Variants in TMEM132C observed in about 807,000 individuals in gnomAD.
TMEM132C encodes the protein protein phosphatase 1, regulatory subunit 152.
TMEM132C carries 29 observed loss-of-function variants against 61.4 expected under a neutral mutation model. The observed-to-expected ratio is 0.47, with a 90% confidence interval of 0.35 to 0.64. The LOEUF (loss-of-function observed/expected upper bound fraction) is 0.64. Ranked by LOEUF, TMEM132C falls within the 30% of genes least tolerant of loss-of-function variation. TMEM132C has a pLI of 0.00. For missense variants in TMEM132C, 1,408 were observed against 1,476.9 expected (o/e 0.95, Z 0.76); for synonymous variants, 656 against 633.1 (o/e 1.04, Z -0.54).
chr12:128,442,973 C>T (rs1044789041), intron 2 of TMEM132C, among the ~76,000 whole-genome samples: 2 of 152,052 alleles, frequency 1.3e-5, no homozygotes, highest in African/African-American at 4.8e-5. Flanking sequence ...AACTGCCTTG[C>T]GTATGATTAG....
intron 4 of TMEM132C, among the ~76,000 whole-genome samples, chr12:128,665,672 G>A (rs1326221865): frequency 8.8e-6 from 1 of 113,226 alleles, no homozygotes; most frequent in African/African-American, 3.6e-5. Context: ...TAAACACACA[G>A]GCATACACAC....
chr12:128,585,724 A>G (rs1030004835), intron 3 of TMEM132C, among the ~76,000 whole-genome samples: 2 of 152,228 alleles, frequency 1.3e-5, no homozygotes, highest in African/African-American at 4.8e-5. Context: ...TAAAAAGAAA[A>G]TGAAAGGGAG....
At chr12:128,664,199 C>A (rs1356585977) in intron 4 of TMEM132C, among the ~76,000 whole-genome samples, 1 of 93,346 alleles carries the variant, frequency 1.1e-5, no homozygotes, top group Non-Finnish European at 2.1e-5. Flanking sequence ...GGCACTCACA[C>A]AGGCACACAC....
chr12:128,297,050 T>C (rs1692178975), intron 1 of TMEM132C, among the ~76,000 whole-genome samples: 1 of 144,758 alleles, frequency 6.9e-6, no homozygotes, highest in Non-Finnish European at 1.5e-5. Flanking sequence ...TCAAATGGTC[T>C]TTTTTTTTTC....
chr12:128,291,739 G>A (rs1871253086), intron 1 of TMEM132C, among the ~76,000 whole-genome samples: 1 of 152,196 alleles, frequency 6.6e-6, no homozygotes, highest in African/African-American at 2.4e-5. Context: ...CTGGATTATA[G>A]GGAACTGCAC....
intron 2 of TMEM132C, among the ~76,000 whole-genome samples, chr12:128,462,140 C>G (rs2136070773): frequency 6.6e-6 from 1 of 152,312 alleles, no homozygotes; most frequent in African/African-American, 2.4e-5. Flanking sequence ...GAGTCTCGCT[C>G]TGTCACCCAG....
In TMEM132C at chr12:128,668,254, A is replaced by G. The variant is rs1304502059; in HGVS notation, c.1306-1163A>G. Among the ~76,000 whole-genome samples, 3 of 152,184 alleles carry G rather than the reference A, an allele frequency of 2.0e-5. No individual in the cohort carries two copies. In the East Asian group the frequency reaches 5.8e-4, roughly 29 times the overall value. On this transcript the variant is annotated intron_variant, in intron 4 of 8. Coordinates refer to ENST00000435159, the MANE Select transcript of TMEM132C (RefSeq NM_001136103.3). Reference sequence around the variant, plus strand: ...ACATAGCGAGACCCCATATCAAAAAAAAAGAAAAAAGAATAGGAATGGTTG... The same window carrying G: ...ACATAGCGAGACCCCATATCAAAAAGAAAGAAAAAAGAATAGGAATGGTTG...
At chr12:128,416,754 A>G (rs1453721678) in intron 2 of TMEM132C, among the ~76,000 whole-genome samples, 2 of 152,208 alleles carry the variant, frequency 1.3e-5, no homozygotes, top group Non-Finnish European at 2.9e-5. Flanking sequence ...CTTCTGAAGT[A>G]TGCATCTTGT....
intron 2 of TMEM132C, among the ~76,000 whole-genome samples, chr12:128,513,016 G>A (rs926546809): frequency 2.0e-5 from 3 of 152,316 alleles, no homozygotes; most frequent in African/African-American, 4.8e-5. Flanking sequence ...GGGGAAGCAC[G>A]TGACACTGTT....
intron 3 of TMEM132C, among the ~76,000 whole-genome samples, chr12:128,562,992 C>A (rs965805075): frequency 6.6e-6 from 1 of 152,212 alleles, no homozygotes; most frequent in Non-Finnish European, 1.5e-5. Context: ...GGGAGAGGGA[C>A]AAAGGGTAAG....
intron 1 of TMEM132C, among the ~76,000 whole-genome samples, chr12:128,319,354 CGAGAGA>C (rs71449340): frequency 1.6e-4 from 24 of 149,286 alleles, no homozygotes; most frequent in African/African-American, 2.9e-4. Context: ...TTTGCAGTCC[CGAGAGA>C]GAGAGAGAGA....
chr12:128,353,431 A>G (rs1236887692), intron 1 of TMEM132C, among the ~76,000 whole-genome samples: 3 of 152,034 alleles, frequency 2.0e-5, no homozygotes, highest in Non-Finnish European at 4.4e-5. Context: ...GACTCCTTCA[A>G]TTTCTGCCAA....
intron 2 of TMEM132C, among the ~76,000 whole-genome samples, chr12:128,487,585 A>G (rs1451832000): frequency 2.3e-5 from 3 of 132,086 alleles, no homozygotes; most frequent in African/African-American, 8.6e-5. Flanking sequence ...AATGGTGTGT[A>G]TGAGTGTGTG....
chr12:128,453,574 A>C (rs937451334), intron 2 of TMEM132C, among the ~76,000 whole-genome samples: 12 of 152,106 alleles, frequency 7.9e-5, no homozygotes, highest in Admixed American at 4.6e-4. Flanking sequence ...TTGACTCTGG[A>C]TGGGAGCAGT....
chr12:128,687,129 G>A (rs1364140642), intron 5 of TMEM132C, among the ~76,000 whole-genome samples: 7 of 148,792 alleles, frequency 4.7e-5, no homozygotes, highest in Non-Finnish European at 8.9e-5. Flanking sequence ...TTAAACCCGA[G>A]AGGCAGAGGT....
chr12:128,549,759 C>T (rs765209029), intron 3 of TMEM132C, among the ~76,000 whole-genome samples: 14 of 152,208 alleles, frequency 9.2e-5, no homozygotes, highest in Middle Eastern at 3.4e-3. Context: ...CTGTGTGCCT[C>T]GCGCTCTCCA....
chr12:128,269,665 A>C (rs571330403), intron 1 of TMEM132C, among the ~76,000 whole-genome samples: 1 of 152,086 alleles, frequency 6.6e-6, no homozygotes, highest in Admixed American at 6.5e-5. Flanking sequence ...AGGGCCTGCA[A>C]CTTATCATCT....
At chr12:128,493,656 G>A (rs1871832821) in intron 2 of TMEM132C, among the ~76,000 whole-genome samples, 1 of 152,130 alleles carries the variant, frequency 6.6e-6, no homozygotes, top group Non-Finnish European at 1.5e-5. Context: ...CTGTTTGTCT[G>A]TTATTGGTGT....
chr12:128,537,371 G>C (rs1873569753), intron 2 of TMEM132C, among the ~76,000 whole-genome samples: 1 of 152,192 alleles, frequency 6.6e-6, no homozygotes. Flanking sequence ...AAGCCTAATG[G>C]TGCTTAGGGA....
Sources: allele counts gnomAD v4.1 joint callset (sites outside exome capture counted in the v4.1 genomes callset), GRCh38; gene constraint gnomAD v4.1.1; transcripts MANE v1.5; gene names NCBI Gene and HGNC (gene_info 2026-07-23, HGNC 2026-07-21).